Variants in ESYT3 observed in about 807,000 individuals in gnomAD.
The protein encoded by ESYT3 is extended synaptotagmin 3.
In ESYT3, 101 loss-of-function variants were observed where a neutral mutation model predicts 111.5. That is an observed-to-expected ratio of 0.91 (90% CI 0.77 to 1.07). The LOEUF (loss-of-function observed/expected upper bound fraction) is 1.07. ESYT3 is among the 50% of genes least tolerant of loss of function. The pLI is 0.00. For missense variants in ESYT3, 1,097 were observed against 1,109.4 expected, an observed-to-expected ratio of 0.99 and a Z score of 0.16; for synonymous variants, 416 against 446.8, an observed-to-expected ratio of 0.93 and a Z score of 0.87.
intron 7 of ESYT3, 122 bp downstream of exon 7, chr3:138,460,788 A>C: frequency 9.0e-7 from 1 of 1,109,564 alleles, no homozygotes; most frequent in Non-Finnish European, 1.4e-6. Flanking sequence ...GCAGAGGGAG[A>C]AGCATTGGTC....
At chr3:138,473,750 G>C (rs2033356407) in intron 19 of ESYT3, 116 bp downstream of exon 19, 1 of 901,316 alleles carries the variant, frequency 1.1e-6, no homozygotes, top group South Asian at 1.7e-5. Context: ...ATAACACTTT[G>C]GGGGAAAAAT....
chr3:138,460,641 A>T lies in ESYT3; in HGVS notation c.769A>T (p.Asn257Tyr). Residue 257 changes from asparagine (N) to tyrosine (Y), a missense_variant, in exon 7 of 23, where the codon AAC (asparagine) becomes TAC (tyrosine). Asn to Tyr is a moderately radical substitution (Grantham distance 143). Transcript: ENST00000389567. ...HLQINWTGLT[N>Y]LLDAPGINDV... ...ACAGATCAACTGGACTGGCCTGACC[A>T]ACCTGCTGGATGCGCCGGGAATCAA... The T allele has an allele frequency of 1.9e-6, 3 of 1,614,074 alleles. No individual in the cohort carries two copies. The highest frequency in any genetic ancestry group is 2.5e-6 in the Non-Finnish European group (3 of 1,179,942).
Position 138,452,109 on chromosome 3 carries a change from C to A in ESYT3, c.369+20C>A. ...AACAAGGTAAGGCCGCTGGCAGGGC[C>A]TAGCAGGGCCGGACGCATGCCAGCC... On this transcript the variant is annotated intron_variant, in intron 2 of 22. Transcript: ENST00000389567. The A allele has an allele frequency of 3.1e-6, 5 of 1,607,128 alleles. No homozygotes were observed. Among genetic ancestry groups the A allele is most frequent in the Non-Finnish European group, 4.2e-6 (5 of 1,179,362 alleles).
At position 138,474,305 on chromosome 3, in the gene ESYT3, G is replaced by T; in HGVS notation, c.2421G>T (p.Lys807Asn). ...LLPERKWACR[K>N]KTSVKRKTLE... ...CAGAAAGGAAGTGGGCATGTCGTAA[G>T]AAGACTTCAGTGAAGCGGAAGACCT... Residue 807 changes from lysine (K) to asparagine (N), a missense_variant, in exon 20 of 23, where the codon AAG becomes AAT. By Grantham distance (94) the Lys-to-Asn change is moderately conservative. Coordinates refer to ENST00000389567, the MANE Select transcript of ESYT3 (RefSeq NM_031913.5). 1 of 1,607,316 alleles carries T rather than the reference G, an allele frequency of 6.2e-7. No homozygotes were observed. The highest frequency in any genetic ancestry group is 8.5e-7 in the Non-Finnish European group (1 of 1,178,404).
chr3:138,473,247 C>T lies in ESYT3; in HGVS notation c.2238-289C>T, dbSNP rs1176914378. The T allele has an allele frequency of 3.5e-5, 27 of 772,348 alleles. No individual in the cohort carries two copies. The Admixed American group carries it at 4.4e-4, about 13-fold the overall frequency. The allele number at this position is 772,348 out of a possible 1,614,324, so 47.8% of individuals were successfully genotyped here. ...TAATTCAACCTTCACAATAACCCTACAAGATGGAACTATCATAAAAGTTTA... is the reference window on the plus strand; with the variant it reads ...TAATTCAACCTTCACAATAACCCTATAAGATGGAACTATCATAAAAGTTTA... On this transcript the variant is annotated intron_variant, in intron 18 of 22. Coordinates refer to ENST00000389567, the MANE Select transcript of ESYT3 (RefSeq NM_031913.5).
At chr3:138,471,128 A>C (rs1351258705) in intron 17 of ESYT3, 102 bp downstream of exon 17, 1 of 928,848 alleles carries the variant, frequency 1.1e-6, no homozygotes, top group Non-Finnish European at 1.7e-6. Flanking sequence ...GCCTGGAAGA[A>C]GCCAGGAGAT....
chr3:138,467,188 A>G (rs2032971723), intron 10 of ESYT3, among the ~76,000 whole-genome samples: 1 of 152,172 alleles, frequency 6.6e-6, no homozygotes, highest in East Asian at 1.9e-4. Flanking sequence ...TTTAAAGGGT[A>G]CAGGACCAGG....
chr3:138,447,572 A>C (rs946883920), intron 1 of ESYT3, among the ~76,000 whole-genome samples: 1 of 152,232 alleles, frequency 6.6e-6, no homozygotes, highest in Non-Finnish European at 1.5e-5. Flanking sequence ...CAAACTCATG[A>C]AGTTCAACTC....
chr3:138,455,912 C>A (rs370567928), intron 3 of ESYT3, among the ~76,000 whole-genome samples: 2 of 152,328 alleles, frequency 1.3e-5, no homozygotes, highest in Admixed American at 6.5e-5. Context: ...TGGTGCCCTA[C>A]GCCTCCTGCC....
chr3:138,474,635 A>G (rs2033401513), intron 20 of ESYT3: 2 of 255,596 alleles, frequency 7.8e-6, no homozygotes, highest in African/African-American at 4.4e-5. Flanking sequence ...CTCTGGTAGT[A>G]AAAAGATTTG....
chr3:138,468,205 G>A lies in ESYT3; in HGVS notation c.1308+11G>A. On this transcript the variant is annotated intron_variant, in intron 12 of 22. Coordinates refer to ENST00000389567, the MANE Select transcript of ESYT3 (RefSeq NM_031913.5). ...GAAGTTCTGACTGAGGTGAGTGTGG[G>A]GTGTCAAGGGCTCCCTTGCAGAAAG... 2 of 1,613,656 alleles carry A rather than the reference G, an allele frequency of 1.2e-6. No homozygotes were observed. The highest frequency in any genetic ancestry group is 1.7e-6 in the Non-Finnish European group (2 of 1,179,600).
Position 138,479,369 on chromosome 3 carries a change from T to C in ESYT3, c.*2515T>C, listed in dbSNP as rs2033624462. 1.3e-5 allele frequency: 2 copies of C among 152,236 alleles called. No individual in the cohort carries two copies. The highest frequency in any genetic ancestry group is 4.1e-4 in the South Asian group (2 of 4,830). 9.4% of individuals were successfully genotyped at this position (152,236 alleles called of 1,614,324 possible). A position where few individuals can be genotyped will look rare whatever the true frequency, so the allele number is the denominator to read the frequency against. ...AACTAAGAAGGGGCAGCTAGGCTGA[T>C]TAAGAAAGTAAGTATTCAAGACCAT... On this transcript the variant is annotated 3_prime_UTR_variant, in exon 23 of 23. Coordinates refer to ENST00000389567, the MANE Select transcript of ESYT3 (RefSeq NM_031913.5).
intron 4 of ESYT3, 128 bp from the exon 5 acceptor site, chr3:138,459,059 C>T (rs2032463575): frequency 3.1e-6 from 2 of 636,400 alleles, no homozygotes; most frequent in Non-Finnish European, 5.4e-6. Context: ...GTGCCCAGTG[C>T]ATAGAGCTCA....
chr3:138,459,842 C>T, intron 5 of ESYT3, 103 bp from the exon 6 acceptor site: 9 of 962,800 alleles, frequency 9.3e-6, no homozygotes, highest in Non-Finnish European at 3.2e-6. Flanking sequence ...ACATGTGGGG[C>T]AGCGTGGGCA....
intron 1 of ESYT3, among the ~76,000 whole-genome samples, chr3:138,447,306 T>C (rs924804483): frequency 3.3e-5 from 5 of 152,206 alleles, no homozygotes; most frequent in Admixed American, 1.3e-4. Context: ...TTCCAGTGAA[T>C]TGACAATCCT....
Position 138,479,438 on chromosome 3 carries a change from T to G in ESYT3, c.*2584T>G, listed in dbSNP as rs900779957. The G allele has an allele frequency of 6.6e-6, 1 of 152,366 alleles. No homozygotes were observed. Among genetic ancestry groups the G allele is most frequent in the East Asian group, 1.9e-4 (1 of 5,194 alleles). 9.4% of individuals were successfully genotyped at this position (152,366 alleles called of 1,614,324 possible). On this transcript the variant is annotated 3_prime_UTR_variant, in exon 23 of 23. Coordinates refer to ENST00000389567, the MANE Select transcript of ESYT3 (RefSeq NM_031913.5). ...AAGATACTCATCTTAAAAATATAACTGTGTCAGTCACTAATTCATTACCTC... is the reference window on the plus strand; with the variant it reads ...AAGATACTCATCTTAAAAATATAACGGTGTCAGTCACTAATTCATTACCTC...
chr3:138,449,402 C>T (rs2031782712), intron 1 of ESYT3, among the ~76,000 whole-genome samples: 1 of 152,016 alleles, frequency 6.6e-6, no homozygotes, highest in Admixed American at 6.6e-5. Flanking sequence ...CCTACATTTT[C>T]AGGATGCATG....
chr3:138,453,963 G>T (rs532057960), intron 2 of ESYT3, among the ~76,000 whole-genome samples: 1 of 152,170 alleles, frequency 6.6e-6, no homozygotes, highest in African/African-American at 2.4e-5. Flanking sequence ...TTGTGACCCC[G>T]CTGTGTGCTA....
intron 22 of ESYT3, 45 bp from the exon 23 acceptor site, chr3:138,476,773 A>T (rs764622069): frequency 8.8e-6 from 14 of 1,597,054 alleles, no homozygotes; most frequent in Non-Finnish European, 1.2e-5. Flanking sequence ...TTACCACAAC[A>T]CACTGTCATT....
Sources: gnomAD v4.1 joint callset for allele counts (sites outside exome capture counted in the v4.1 genomes callset) on GRCh38, gnomAD v4.1.1 for gene constraint, MANE v1.5 for transcripts, NCBI Gene and HGNC (gene_info 2026-07-23, HGNC 2026-07-21) for gene names.